SYNE1: variants seen among roughly 807,000 people sequenced by gnomAD.
SYNE1 encodes spectrin repeat containing nuclear envelope protein 1.
Under a neutral mutation model 1,111.0 loss-of-function variants are expected in SYNE1, and 616 were observed. The ratio of observed to expected loss-of-function variants is 0.55; its 90% CI spans 0.52 to 0.59. The LOEUF (loss-of-function observed/expected upper bound fraction) is 0.59. Among genes scored for constraint, SYNE1 ranks in the 20% least tolerant of loss-of-function variants. The pLI is 0.00. For missense variants in SYNE1, 10,006 were observed against 10,417.0 expected, an observed-to-expected ratio of 0.96 and a Z score of 1.72; for synonymous variants, 3,855 against 3,825.8, an observed-to-expected ratio of 1.01 and a Z score of -0.28.
At chr6:152,488,702 T>C (rs1377268891) in intron 11 of SYNE1, among the ~76,000 whole-genome samples, 199 bp from the exon 12 acceptor site, 2 of 150,560 alleles carry the variant, frequency 1.3e-5, no homozygotes, top group Non-Finnish European at 1.5e-5. Context: ...AGTTATCTTA[T>C]TGAATAACGA....
chr6:152,199,668 G>A (rs11962878), intron 127 of SYNE1, among the ~76,000 whole-genome samples: 6,119 of 152,106 alleles, frequency 0.04, 166 homozygotes, highest in Non-Finnish European at 0.056. Flanking sequence ...TTCATGTGCC[G>A]TTTCCCCTCC....
At chr6:152,272,851 T>C (rs1337003834) in intron 98 of SYNE1, among the ~76,000 whole-genome samples, 1 of 152,216 alleles carries the variant, frequency 6.6e-6, no homozygotes, top group Non-Finnish European at 1.5e-5. Flanking sequence ...GGATGATTTG[T>C]TTTCTGCAAT....
At chr6:152,559,787 G>A (rs977660847) in intron 3 of SYNE1, among the ~76,000 whole-genome samples, 5 of 152,038 alleles carry the variant, frequency 3.3e-5, no homozygotes, top group Non-Finnish European at 4.4e-5. Context: ...GATCAGGGCA[G>A]AAATAAATGG....
At chr6:152,628,181 G>T in intron 3 of SYNE1, 84 bp downstream of exon 3, 1 of 1,457,288 alleles carries the variant, frequency 6.9e-7, no homozygotes. Context: ...CCATGAAATT[G>T]AGTAAAACCC....
chr6:152,221,428 C>T lies in SYNE1; in HGVS notation c.21654G>A (p.Met7218Ile). The T allele has an allele frequency of 6.2e-7, 1 of 1,613,906 alleles. No individual in the cohort carries two copies. The highest frequency in any genetic ancestry group is 1.7e-5 in the Admixed American group (1 of 60,026). Residue 7218 changes from methionine to isoleucine, a missense_variant and splice_region_variant, in exon 118 of 146, where the codon ATG (methionine) becomes ATA (isoleucine). Around this residue, in one of 7 missense-constraint regions of SYNE1, gnomAD observed 2,182 missense variants for 2,287.8 expected, o/e 0.95. Transcript: ENST00000367255. Reference sequence around the variant, plus strand: ...TGTAAAGTTAACATACTCCATACCTCATGTTGACTTCTTTCAGTGTATTGG... The same window carrying T: ...TGTAAAGTTAACATACTCCATACCTTATGTTGACTTCTTTCAGTGTATTGG... Reference protein sequence around the residue: ...TLTNTLKEVNMRWNNLLEEIA... With the variant: ...TLTNTLKEVNIRWNNLLEEIA...
intron 126 of SYNE1, among the ~76,000 whole-genome samples, chr6:152,203,554 T>C (rs1477738104): frequency 6.6e-6 from 1 of 152,182 alleles, no homozygotes; most frequent in Non-Finnish European, 1.5e-5. Flanking sequence ...TGTCAAATCA[T>C]GTTCCATCTT....
At chr6:152,599,487 T>C (rs75071176) in intron 3 of SYNE1, among the ~76,000 whole-genome samples, 1,811 of 152,252 alleles carry the variant, frequency 0.012, 21 homozygotes, top group Non-Finnish European at 0.017. Flanking sequence ...AAAAGAACAA[T>C]AAATGCTTGG....
chr6:152,233,113 T>C (rs2083165800), intron 112 of SYNE1, among the ~76,000 whole-genome samples: 1 of 152,268 alleles, frequency 6.6e-6, no homozygotes, highest in Non-Finnish European at 1.5e-5. Flanking sequence ...GTTGCTCTCC[T>C]ATACATAAGA....
intron 145 of SYNE1, chr6:152,129,381 A>G (rs2054678811): frequency 6.6e-6 from 1 of 152,264 alleles, no homozygotes; most frequent in Non-Finnish European, 1.5e-5. Context: ...TTCATGGTAC[A>G]TCAGCAATTT....
intron 118 of SYNE1, 40 bp from the exon 119 acceptor site, chr6:152,221,086 T>C: frequency 2.5e-6 from 4 of 1,596,058 alleles, no homozygotes; most frequent in Non-Finnish European, 3.4e-6. Context: ...GATTACCACC[T>C]CTCACCAAAT....
intron 18 of SYNE1, among the ~76,000 whole-genome samples, chr6:152,463,950 A>G (rs545572550): frequency 1.3e-5 from 2 of 152,298 alleles, no homozygotes; most frequent in South Asian, 2.1e-4. Flanking sequence ...CAATTTTGTT[A>G]CATGCATAGA....
At chr6:152,363,327 T>C (rs1481395606) in intron 63 of SYNE1, among the ~76,000 whole-genome samples, 8 of 148,718 alleles carry the variant, frequency 5.4e-5, no homozygotes, top group Non-Finnish European at 1.0e-4. Flanking sequence ...ACCCCGTCTC[T>C]ACTAAAAATA....
intron 67 of SYNE1, among the ~76,000 whole-genome samples, chr6:152,354,376 A>C (rs1204481816): frequency 6.6e-6 from 1 of 152,224 alleles, no homozygotes; most frequent in East Asian, 1.9e-4. Context: ...ATAAACTTAA[A>C]TTATTGTAAT....
At chr6:152,591,051 T>G (rs1322519) in intron 3 of SYNE1, among the ~76,000 whole-genome samples, 3,322 of 152,312 alleles carry the variant, frequency 0.022, 129 homozygotes, top group African/African-American at 0.076. Flanking sequence ...TTATGTTGTC[T>G]CTGATTTCTT....
intron 99 of SYNE1, among the ~76,000 whole-genome samples, chr6:152,268,468 T>A (rs1359598828): frequency 6.6e-6 from 1 of 151,792 alleles, no homozygotes; most frequent in Non-Finnish European, 1.5e-5. Context: ...AAATGTACTC[T>A]CATTTTTCAA....
At chr6:152,396,728 A>C in intron 50 of SYNE1, 47 bp downstream of exon 50, 1 of 1,557,372 alleles carries the variant, frequency 6.4e-7, no homozygotes, top group Non-Finnish European at 8.9e-7. Context: ...AGCCTTTAAA[A>C]ACACACTTGG....
chr6:152,544,911 T>A (rs2099300687), intron 3 of SYNE1, among the ~76,000 whole-genome samples: 1 of 152,232 alleles, frequency 6.6e-6, no homozygotes, highest in South Asian at 2.1e-4. Flanking sequence ...AGAAACATGT[T>A]AAATATACTT....
At chr6:152,224,752 T>A (rs1480229384) in intron 116 of SYNE1, 88 bp from the exon 117 acceptor site, 4 of 1,338,992 alleles carry the variant, frequency 3.0e-6, no homozygotes, top group Non-Finnish European at 4.2e-6. Flanking sequence ...TATTAACATC[T>A]AAGAACTTCA....
At position 152,450,753 on chromosome 6, in the gene SYNE1, T is replaced by C; in HGVS notation, c.3267A>G (p.Pro1089=). Residue 1089 remains proline, a synonymous_variant, in exon 27 of 146, where the codon CCA becomes CCG. Coordinates refer to ENST00000367255, the MANE Select transcript of SYNE1 (RefSeq NM_182961.4). ...QLIEELCVKL[P]VRDPVRDTPG... ...GTGTGTCCCTTACTGGGTCCCGCAC[T>C]GGGAGTTTCACACAGAGTTCCTCGA... 6.2e-7 allele frequency: 1 copy of C among 1,614,118 alleles called. No individual in the cohort carries two copies. The highest frequency in any genetic ancestry group is 8.5e-7 in the Non-Finnish European group (1 of 1,180,012).
Sources: allele counts gnomAD v4.1 joint callset (sites outside exome capture counted in the v4.1 genomes callset), GRCh38; gene constraint gnomAD v4.1.1; regional missense constraint gnomAD v4.1.1; transcripts MANE v1.5; gene names NCBI Gene and HGNC (gene_info 2026-07-23, HGNC 2026-07-21).